Variants in NALF1 observed in about 807,000 individuals in gnomAD.
NALF1 encodes NALCN channel auxiliary factor 1.
Under a neutral mutation model 48.4 loss-of-function variants are expected in NALF1, and 3 were observed. The ratio of observed to expected loss-of-function variants is 0.06; its 90% CI spans 0.03 to 0.16. NALF1 has a LOEUF of 0.16. NALF1 is among the 10% of genes least tolerant of loss of function. NALF1 has a pLI of 1.00. For synonymous variants in NALF1, 262 were observed against 245.7 expected (o/e 1.07, Z -0.62); for missense variants, 526 against 571.5 (o/e 0.92, Z 0.81).
chr13:107,176,727 T>C (rs919783607), intron 2 of NALF1, among the ~76,000 whole-genome samples: 1 of 152,082 alleles, frequency 6.6e-6, no homozygotes, highest in African/African-American at 2.4e-5. Context: ...TAATATTAAT[T>C]ACTCATGTTG....
intron 1 of NALF1, among the ~76,000 whole-genome samples, chr13:107,509,184 GTAGTATATTTACA>G (rs1875800794): frequency 6.6e-6 from 1 of 151,998 alleles, no homozygotes; most frequent in Non-Finnish European, 1.5e-5. Context: ...TTCTCTTTTA[GTAGTATATTTACA>G]TATTACATAT....
chr13:107,516,183 A>C (rs9514696), intron 1 of NALF1, among the ~76,000 whole-genome samples: 13,455 of 152,286 alleles, frequency 0.088, 849 homozygotes, highest in Non-Finnish European at 0.13. Context: ...CACATGCAAT[A>C]AAGAGTTCTC....
At chr13:107,586,039 G>A (rs1220592119) in intron 1 of NALF1, among the ~76,000 whole-genome samples, 1 of 152,050 alleles carries the variant, frequency 6.6e-6, no homozygotes, top group Non-Finnish European at 1.5e-5. Flanking sequence ...CTCAGCAGGT[G>A]ACAAAAATGG....
At chr13:107,178,962 A>C (rs553457888) in intron 2 of NALF1, among the ~76,000 whole-genome samples, 4 of 152,130 alleles carry the variant, frequency 2.6e-5, no homozygotes, top group South Asian at 2.1e-4. Flanking sequence ...AAACAAAAAA[A>C]AAAAACAAAA....
At chr13:107,664,509 C>T (rs976049983) in intron 1 of NALF1, among the ~76,000 whole-genome samples, 4 of 152,160 alleles carry the variant, frequency 2.6e-5, no homozygotes, top group Non-Finnish European at 5.9e-5. Context: ...AAGCCAACAC[C>T]TATGGTGACG....
chr13:107,775,052 G>T (rs9559152), intron 1 of NALF1, among the ~76,000 whole-genome samples: 12,345 of 152,094 alleles, frequency 0.081, 631 homozygotes, highest in East Asian at 0.17. Flanking sequence ...TTTATTTCAT[G>T]TATTCTTTAT....
At chr13:107,751,127 TC>T (rs1876926643) in intron 1 of NALF1, among the ~76,000 whole-genome samples, 1 of 152,246 alleles carries the variant, frequency 6.6e-6, no homozygotes, top group South Asian at 2.1e-4. Context: ...AAGCTGCTTT[TC>T]CAGAAAATTA....
intron 1 of NALF1, among the ~76,000 whole-genome samples, chr13:107,688,313 C>T (rs894239354): frequency 6.6e-6 from 1 of 152,156 alleles, no homozygotes; most frequent in African/African-American, 2.4e-5. Flanking sequence ...GTGTTCCCAA[C>T]AATTTTTCCC....
intron 1 of NALF1, among the ~76,000 whole-genome samples, chr13:107,821,630 G>A (rs1879364168): frequency 6.6e-6 from 1 of 152,130 alleles, no homozygotes; most frequent in South Asian, 2.1e-4. Context: ...GAAATACTGA[G>A]AAACTGTCAC....
chr13:107,686,563 T>G (rs1450915229), intron 1 of NALF1, among the ~76,000 whole-genome samples: 1 of 152,028 alleles, frequency 6.6e-6, no homozygotes, highest in Non-Finnish European at 1.5e-5. Context: ...CTAGCTAATT[T>G]TTGTACTTTC....
intron 1 of NALF1, among the ~76,000 whole-genome samples, chr13:107,343,825 G>T (rs11840333): frequency 0.19 from 28,898 of 151,752 alleles, 3,246 homozygotes; most frequent in East Asian, 0.36. Context: ...GAAGTAAACA[G>T]GTAGCTAACA....
chr13:107,611,544 A>G (rs921783095), intron 1 of NALF1, among the ~76,000 whole-genome samples: 7 of 152,138 alleles, frequency 4.6e-5, no homozygotes, highest in Admixed American at 1.3e-4. Context: ...AAAAAGATGA[A>G]TCTTGAGAAT....
At chr13:107,213,876 T>C (rs1270012090) in intron 1 of NALF1, among the ~76,000 whole-genome samples, 1 of 151,948 alleles carries the variant, frequency 6.6e-6, no homozygotes, top group Non-Finnish European at 1.5e-5. Flanking sequence ...AAACGAGGGG[T>C]GAGGTTCTTA....
intron 1 of NALF1, among the ~76,000 whole-genome samples, chr13:107,533,417 G>A (rs1876702996): frequency 6.6e-6 from 1 of 152,058 alleles, no homozygotes; most frequent in Admixed American, 6.6e-5. Context: ...CTTCTGAAAA[G>A]GGCTTTCAGG....
At chr13:107,581,848 A>C (rs1878321373) in intron 1 of NALF1, among the ~76,000 whole-genome samples, 1 of 152,156 alleles carries the variant, frequency 6.6e-6, no homozygotes, top group South Asian at 2.1e-4. Context: ...ATAGTCTCCC[A>C]TTTTTGGTGA....
At chr13:107,640,884 C>T (rs1880133743) in intron 1 of NALF1, among the ~76,000 whole-genome samples, 2 of 152,128 alleles carry the variant, frequency 1.3e-5, no homozygotes, top group Non-Finnish European at 2.9e-5. Flanking sequence ...GATTACAAGG[C>T]ATACAACTTA....
chr13:107,580,578 A>G (rs534773603), intron 1 of NALF1, among the ~76,000 whole-genome samples: 1 of 151,910 alleles, frequency 6.6e-6, no homozygotes, highest in East Asian at 1.9e-4. Flanking sequence ...CTCTCATATT[A>G]TTTTCGGTAT....
At chr13:107,534,015 G>A (rs544183526) in intron 1 of NALF1, among the ~76,000 whole-genome samples, 1 of 151,992 alleles carries the variant, frequency 6.6e-6, no homozygotes, top group Admixed American at 6.6e-5. Flanking sequence ...GTAAAAGGGA[G>A]AGGGAGACTG....
intron 1 of NALF1, among the ~76,000 whole-genome samples, chr13:107,521,353 T>C (rs1461872436): frequency 6.6e-6 from 1 of 152,178 alleles, no homozygotes; most frequent in African/African-American, 2.4e-5. Context: ...AAAAACACTA[T>C]TTACTATTTT....
Sources: allele counts gnomAD v4.1 joint callset (sites outside exome capture counted in the v4.1 genomes callset), GRCh38; gene constraint gnomAD v4.1.1; transcripts MANE v1.5; gene names NCBI Gene and HGNC (gene_info 2026-07-23, HGNC 2026-07-21).